NCOR1: variants seen among roughly 807,000 people sequenced by gnomAD.
NCOR1 encodes protein phosphatase 1, regulatory subunit 109.
A neutral mutation model predicts 288.1 loss-of-function variants in NCOR1; 63 were observed. The observed-to-expected ratio is 0.22, with a 90% confidence interval of 0.18 to 0.27. The LOEUF is 0.27. Among genes scored for constraint, NCOR1 ranks in the 10% least tolerant of loss-of-function variants. The probability of loss-of-function intolerance (pLI) is 1.00; values close to 1 mark genes in which losing one functional copy is unlikely to be tolerated. For synonymous variants in NCOR1, 1,007 were observed against 1,065.9 expected, an observed-to-expected ratio of 0.94 and a Z score of 1.08; for missense variants, 2,397 against 3,019.2, an observed-to-expected ratio of 0.79 and a Z score of 4.83.
At chr17:16,099,274 A>G (rs1478493156) in intron 20 of NCOR1, among the ~76,000 whole-genome samples, 1 of 152,166 alleles carries the variant, frequency 6.6e-6, no homozygotes, top group Non-Finnish European at 1.5e-5. Context: ...AAACTTGAGG[A>G]AATTTTGTAC....
Position 16,061,359 on chromosome 17 carries a change from T to C in NCOR1, c.5881+42A>G, listed in dbSNP as rs1219692332. 6 of 1,584,250 alleles carry C rather than the reference T, an allele frequency of 3.8e-6. No individual in the cohort carries two copies. In the South Asian group the frequency reaches 4.6e-5, roughly 12 times the overall value. On this transcript the variant is annotated intron_variant, in intron 37 of 45. Transcript: ENST00000268712. ...TGACCTAAAGAATAAAGTAATTCTT[T>C]ACTCAGACATCACATTGTGAAACTC...
chr17:16,065,262 T>TA (rs2152673405), intron 33 of NCOR1, among the ~76,000 whole-genome samples: 1 of 152,344 alleles, frequency 6.6e-6, no homozygotes, highest in South Asian at 2.1e-4. Flanking sequence ...AGCCATGGAT[T>TA]ACAAATACTC....
chr17:16,188,121 T>C (rs2087131367), intron 2 of NCOR1, among the ~76,000 whole-genome samples: 1 of 152,076 alleles, frequency 6.6e-6, no homozygotes, highest in South Asian at 2.1e-4. Context: ...TACTTTAAAA[T>C]GGTAAATTTT....
chr17:16,032,465 T>C lies in NCOR1; in HGVS notation c.7154A>G (p.Tyr2385Cys). The change falls in exon 46 of 46, where the codon TAT (tyrosine) becomes TGT (cysteine). Residue 2385 changes from tyrosine to cysteine, a missense_variant. Tyr to Cys is a radical substitution (Grantham distance 194, BLOSUM62 -2). This residue lies in a region of NCOR1 where 1,872 missense variants were observed against 2,187.8 expected (regional missense o/e 0.86). Coordinates refer to ENST00000268712, the MANE Select transcript of NCOR1 (RefSeq NM_006311.4). ...GAGCATCCGCATAGTCAGAGGGTTA[T>C]AAGGAAACTGAGTTGAGCCTGACAA... ...PSSTGSTQFP[Y>C]NPLTMRMLSS... 6.3e-7 allele frequency: 1 copy of C among 1,595,078 alleles called. No individual in the cohort carries two copies. The highest frequency in any genetic ancestry group is 8.5e-7 in the Non-Finnish European group (1 of 1,172,470).
At chr17:16,057,855 T>TC in intron 39 of NCOR1, 52 bp downstream of exon 39, 1 of 1,528,274 alleles carries the variant, frequency 6.5e-7, no homozygotes, top group Non-Finnish European at 8.8e-7. Context: ...AAATCTGCTT[T>TC]CCCCATGATC....
intron 6 of NCOR1, among the ~76,000 whole-genome samples, chr17:16,157,323 C>T (rs1434654826): frequency 6.6e-6 from 1 of 152,054 alleles, no homozygotes; most frequent in East Asian, 1.9e-4. Context: ...TTGAACCCAG[C>T]CAAGAAAATA....
intron 1 of NCOR1, among the ~76,000 whole-genome samples, chr17:16,201,945 G>A (rs1320203241): frequency 6.6e-6 from 1 of 151,738 alleles, no homozygotes; most frequent in Non-Finnish European, 1.5e-5. Context: ...CAAAAAATAC[G>A]GCTGGGCGCG....
intron 18 of NCOR1, among the ~76,000 whole-genome samples, chr17:16,112,255 T>A (rs945689555): frequency 4.6e-5 from 7 of 152,236 alleles, no homozygotes; most frequent in Non-Finnish European, 1.0e-4. Context: ...TGAAGTCAAG[T>A]CTTTATCTTG....
At chr17:16,209,920 C>T (rs1360117330) in intron 1 of NCOR1, among the ~76,000 whole-genome samples, 2 of 151,738 alleles carry the variant, frequency 1.3e-5, no homozygotes, top group African/African-American at 4.8e-5. Context: ...CACTGTACTC[C>T]AGCCTGGGCA....
chr17:16,198,538 C>A (rs1165222935), intron 1 of NCOR1: 1 of 151,910 alleles, frequency 6.6e-6, no homozygotes, highest in East Asian at 1.9e-4. Context: ...CCAGCCTGAC[C>A]AACATGGTGA....
At chr17:16,040,649 T>C (rs2152019248) in intron 42 of NCOR1, 155 bp from the exon 43 acceptor site, 1 of 213,448 alleles carries the variant, frequency 4.7e-6, no homozygotes, top group Middle Eastern at 1.3e-3. Flanking sequence ...AATGGAAGTA[T>C]TTTTTTTTTT....
intron 2 of NCOR1, among the ~76,000 whole-genome samples, chr17:16,193,225 G>A (rs1185027159): frequency 1.3e-5 from 2 of 152,016 alleles, no homozygotes; most frequent in Admixed American, 6.6e-5. Flanking sequence ...AAACTAAACT[G>A]CAAAGTTAAT....
chr17:16,061,270 G>T, intron 37 of NCOR1, 131 bp downstream of exon 37: 2 of 1,120,462 alleles, frequency 1.8e-6, no homozygotes, highest in Non-Finnish European at 2.5e-6. Flanking sequence ...AACAGCAGAA[G>T]ATACATTTTT....
chr17:16,040,775 C>A, intron 42 of NCOR1: 1 of 412,348 alleles, frequency 2.4e-6, no homozygotes, highest in South Asian at 2.3e-5. Flanking sequence ...CACTCCTAGT[C>A]CCCCAGCTAC....
intron 4 of NCOR1, among the ~76,000 whole-genome samples, chr17:16,168,281 A>G (rs2082412584): frequency 6.6e-6 from 1 of 152,152 alleles, no homozygotes; most frequent in African/African-American, 2.4e-5. Flanking sequence ...GCTCACTGCA[A>G]CCACCGCCTC....
chr17:16,040,858 T>G, intron 42 of NCOR1: 1 of 210,830 alleles, frequency 4.7e-6, no homozygotes, highest in South Asian at 8.1e-5. Flanking sequence ...AGTGAGACTC[T>G]CCCATCTGTT....
intron 3 of NCOR1, among the ~76,000 whole-genome samples, chr17:16,177,840 G>A (rs543990483): frequency 2.8e-4 from 43 of 152,256 alleles, no homozygotes; most frequent in Admixed American, 9.8e-4. Context: ...TCCAATCAAA[G>A]AATATTCATG....
intron 21 of NCOR1, among the ~76,000 whole-genome samples, chr17:16,095,864 G>A (rs1414917269): frequency 6.6e-6 from 1 of 152,062 alleles, no homozygotes; most frequent in Non-Finnish European, 1.5e-5. Context: ...TGATGACGAT[G>A]GCGGTTTTGT....
chr17:16,112,692 C>T (rs1209713620), intron 18 of NCOR1, among the ~76,000 whole-genome samples: 1 of 151,864 alleles, frequency 6.6e-6, no homozygotes, highest in Non-Finnish European at 1.5e-5. Flanking sequence ...GGTTTCACCA[C>T]GTTGGCCAGG....
Sources: allele counts gnomAD v4.1 joint callset (sites outside exome capture counted in the v4.1 genomes callset), GRCh38; gene constraint gnomAD v4.1.1; regional missense constraint gnomAD v4.1.1; transcripts MANE v1.5; gene names NCBI Gene and HGNC (gene_info 2026-07-23, HGNC 2026-07-21).